Variants in CDH3 observed in about 807,000 individuals in gnomAD.
The protein encoded by CDH3 is cadherin 3.
CDH3 carries 54 observed loss-of-function variants against 82.0 expected under a neutral mutation model. The ratio of observed to expected loss-of-function variants is 0.66; its 90% CI spans 0.53 to 0.83. CDH3 has a LOEUF of 0.83. CDH3 is among the 40% of genes least tolerant of loss of function. The pLI is 0.00. For synonymous variants in CDH3, 446 were observed against 437.9 expected, an observed-to-expected ratio of 1.02 and a Z score of -0.23; for missense variants, 1,054 against 1,084.6, an observed-to-expected ratio of 0.97 and a Z score of 0.40.
chr16:68,682,537 C>A, intron 9 of CDH3, 50 bp downstream of exon 9: 2 of 1,561,388 alleles, frequency 1.3e-6, no homozygotes, highest in Non-Finnish European at 1.8e-6. Flanking sequence ...GCAGTCAGGT[C>A]TGCAGCCTTC....
downstream of CDH3, among the ~76,000 whole-genome samples, chr16:68,732,415 C>A (rs781563144): frequency 2.6e-5 from 4 of 152,204 alleles, no homozygotes; most frequent in Non-Finnish European, 5.9e-5. Flanking sequence ...TAATCTTTAG[C>A]CTCCAGGCAG....
At chr16:68,665,216 G>C (rs1045672622) in intron 2 of CDH3, among the ~76,000 whole-genome samples, 2 of 151,910 alleles carry the variant, frequency 1.3e-5, no homozygotes, top group African/African-American at 4.8e-5. Context: ...AGACCAGCCT[G>C]GCTAACATGG....
chr16:68,687,045 A>C (rs73575434), intron 11 of CDH3, among the ~76,000 whole-genome samples: 3,934 of 152,306 alleles, frequency 0.026, 198 homozygotes, highest in African/African-American at 0.091. Flanking sequence ...TTGGCCTGTC[A>C]GTTTTCCCTT....
At chr16:68,721,827 C>T (rs1282046825) in intron 1 of CDH3, among the ~76,000 whole-genome samples, 2 of 152,128 alleles carry the variant, frequency 1.3e-5, no homozygotes, top group African/African-American at 2.4e-5. Context: ...TGGTGGCTCA[C>T]GCCTGTAATT....
chr16:68,671,192 T>C (rs1448515424), intron 2 of CDH3, among the ~76,000 whole-genome samples: 1 of 150,864 alleles, frequency 6.6e-6, no homozygotes, highest in Non-Finnish European at 1.5e-5. Flanking sequence ...GGTCTAGCTA[T>C]ATTGGCCAGG....
In CDH3 at chr16:68,682,359, A is replaced by G. The variant is rs1418283173; in HGVS notation, c.1054A>G (p.Thr352Ala). 8 of 1,613,936 alleles carry G rather than the reference A, an allele frequency of 5.0e-6. No homozygotes were observed. The highest frequency in any genetic ancestry group is 4.0e-5 in the African/African-American group (3 of 74,926). The change falls in exon 9 of 16, where the codon ACT becomes GCT. Residue 352 changes from threonine to alanine, a missense_variant. Physicochemically the swap from Thr to Ala is moderately conservative, Grantham distance 58. Coordinates refer to ENST00000264012, the MANE Select transcript of CDH3 (RefSeq NM_001793.6). ...VGHEVQRLTVTDLDAPNSPAW... is the reference protein window; with the variant it reads ...VGHEVQRLTVADLDAPNSPAW... ...CCATGAGGTGCAGAGGCTGACGGTC[A>G]CTGATCTGGACGCCCCCAACTCACC... is the stretch of plus-strand genomic sequence containing the variant.
intron 9 of CDH3, among the ~76,000 whole-genome samples, chr16:68,683,927 C>T (rs1226296438): frequency 1.3e-5 from 2 of 151,592 alleles, no homozygotes; most frequent in South Asian, 2.1e-4. Flanking sequence ...ATTAGCTGGG[C>T]GTGGTGGCAC....
chr16:68,731,020 CAAAAAA>C (rs1168041237), downstream of CDH3, among the ~76,000 whole-genome samples: 7 of 34,878 alleles, frequency 2.0e-4, no homozygotes, highest in African/African-American at 1.1e-3. Context: ...AACTCCGTCT[CAAAAAA>C]AAAAAAAAAA....
At chr16:68,680,342 C>A (rs1277569981) in intron 7 of CDH3, among the ~76,000 whole-genome samples, 2 of 152,192 alleles carry the variant, frequency 1.3e-5, no homozygotes, top group Admixed American at 6.5e-5. Context: ...GGATTTGCTG[C>A]CTGTTTCCTA....
chr16:68,713,953 A>G (rs759053116), intron 1 of CDH3, among the ~76,000 whole-genome samples: 24 of 149,248 alleles, frequency 1.6e-4, no homozygotes, highest in Non-Finnish European at 3.4e-4. Context: ...ATTATTTTGG[A>G]GACAGAGTTT....
chr16:68,724,146 A>T (rs1281267823), intron 2 of CDH3, among the ~76,000 whole-genome samples: 1 of 151,362 alleles, frequency 6.6e-6, no homozygotes, highest in Admixed American at 6.6e-5. Context: ...GAGGCAGGAG[A>T]ATCGCTTGAA....
rs80127381 is a variant in CDH3 at position 68,691,425 on chromosome 16, T to C, written c.1796-295T>C. ...GTAGCAGCCAATGATGCAAAGAAGTTATTGGTCCTGCATGACATGGCTTTT... is the reference window on the plus strand; with the variant it reads ...GTAGCAGCCAATGATGCAAAGAAGTCATTGGTCCTGCATGACATGGCTTTT... On this transcript the variant is annotated intron_variant, in intron 12 of 15. Coordinates refer to ENST00000264012, the MANE Select transcript of CDH3 (RefSeq NM_001793.6). 5.0e-3 allele frequency among the ~76,000 whole-genome samples: 763 copies of C among 152,336 alleles called. 23 individuals are homozygous for C. In the East Asian group the frequency reaches 0.055, roughly 11 times the overall value.
intron 1 of CDH3, among the ~76,000 whole-genome samples, chr16:68,718,156 G>A (rs111568284): frequency 7.2e-5 from 11 of 151,788 alleles, no homozygotes; most frequent in Admixed American, 5.3e-4. Flanking sequence ...CTACAGGCAC[G>A]TGCCACTCTG....
chr16:68,661,680 C>G (rs1960584320), intron 2 of CDH3, among the ~76,000 whole-genome samples: 1 of 152,114 alleles, frequency 6.6e-6, no homozygotes, highest in African/African-American at 2.4e-5. Context: ...ATTAAATAAT[C>G]ACTAGTAACT....
downstream of CDH3, among the ~76,000 whole-genome samples, chr16:68,700,891 C>A (rs193259957): frequency 2.0e-4 from 31 of 152,190 alleles, no homozygotes; most frequent in African/African-American, 7.5e-4. Flanking sequence ...AGAAAGCTCA[C>A]CTGTCCTTGG....
chr16:68,703,006 C>T (rs1260426830), downstream of CDH3, among the ~76,000 whole-genome samples: 1 of 152,204 alleles, frequency 6.6e-6, no homozygotes, highest in African/African-American at 2.4e-5. Flanking sequence ...CCCTCCCTGA[C>T]ATTTTACAGA....
chr16:68,701,498 T>C (rs1961892974), downstream of CDH3, among the ~76,000 whole-genome samples: 1 of 152,150 alleles, frequency 6.6e-6, no homozygotes, highest in African/African-American at 2.4e-5. Flanking sequence ...TTCAACACTT[T>C]GGTGTGCCTC....
intron 6 of CDH3, among the ~76,000 whole-genome samples, chr16:68,679,262 G>T (rs1247932921): frequency 6.6e-6 from 1 of 152,178 alleles, no homozygotes; most frequent in Non-Finnish European, 1.5e-5. Context: ...TCTAAAAATG[G>T]GAATAATATC....
In CDH3 at chr16:68,719,502, C is replaced by CTTTTTT. The variant is rs71148939; in HGVS notation, c.100-2905_100-2900dup. Among the ~76,000 whole-genome samples, 119 of 74,438 alleles carry CTTTTTT rather than the reference C, an allele frequency of 1.6e-3. 1 individual carries two copies. Among genetic ancestry groups the CTTTTTT allele is most frequent in the Non-Finnish European group, 2.0e-3 (86 of 42,194 alleles). 48.8% of individuals were successfully genotyped at this position (74,438 alleles called of 152,430 possible). On this transcript the variant is annotated intron_variant, in intron 1 of 2. Transcript: ENST00000569080. Reference sequence around the variant, plus strand: ...GATTTTTTGGCATGATGGAACTGTTCTTTTTTTTTTTTTTTTTTTTTTTGA... The same window carrying CTTTTTT: ...GATTTTTTGGCATGATGGAACTGTTCTTTTTTTTTTTTTTTTTTTTTTTTTTTTTGA...
Sources: allele counts gnomAD v4.1 joint callset (sites outside exome capture counted in the v4.1 genomes callset), GRCh38; gene constraint gnomAD v4.1.1; transcripts MANE v1.5; gene names NCBI Gene and HGNC (gene_info 2026-07-23, HGNC 2026-07-21).